COL4A4: variants seen among roughly 807,000 people sequenced by gnomAD.
COL4A4 encodes collagen type IV alpha 4 chain.
Under a neutral mutation model 192.9 loss-of-function variants are expected in COL4A4, and 105 were observed. That is an observed-to-expected ratio of 0.54 (90% CI 0.46 to 0.64). The LOEUF (loss-of-function observed/expected upper bound fraction) is 0.64. COL4A4 is among the 30% of genes least tolerant of loss of function. COL4A4 has a pLI of 0.00. For missense variants in COL4A4, 1,967 were observed against 2,169.3 expected, an observed-to-expected ratio of 0.91 and a Z score of 1.85; for synonymous variants, 762 against 769.9, an observed-to-expected ratio of 0.99 and a Z score of 0.17.
At chr2:226,988,242 A>G in the COL4A4 span, 1 of 1,194,164 alleles carries the variant, frequency 8.4e-7, no homozygotes, top group Non-Finnish European at 1.2e-6. Flanking sequence ...AGAGGTTGGG[A>G]GTAGGACTCA....
At chr2:227,104,223 T>G (rs1203570436) in intron 12 of COL4A4, 171 bp from the exon 13 acceptor site, 3 of 663,504 alleles carry the variant, frequency 4.5e-6, no homozygotes, top group Non-Finnish European at 8.0e-6. Context: ...TTATAAAAAT[T>G]TAATACACAC....
At chr2:227,038,947 G>A (rs1321301802) in intron 37 of COL4A4, among the ~76,000 whole-genome samples, 3 of 152,194 alleles carry the variant, frequency 2.0e-5, no homozygotes, top group Non-Finnish European at 4.4e-5. Flanking sequence ...TTAAAGACCA[G>A]TTGTTCTCTG....
At chr2:227,144,444 A>G in intron 3 of COL4A4, 72 bp downstream of exon 3, 3 of 1,331,460 alleles carry the variant, frequency 2.3e-6, no homozygotes, top group Non-Finnish European at 3.2e-6. Flanking sequence ...ATTTCTTTGA[A>G]AGTATAACAA....
chr2:227,066,243 G>A (rs2058330961), intron 25 of COL4A4, among the ~76,000 whole-genome samples: 5 of 152,160 alleles, frequency 3.3e-5, no homozygotes, highest in Admixed American at 3.3e-4. Context: ...CATCTGATTG[G>A]TGTACCTGAA....
At chr2:227,120,274 C>T (rs2061704105) in intron 5 of COL4A4, among the ~76,000 whole-genome samples, 2 of 152,126 alleles carry the variant, frequency 1.3e-5, no homozygotes, top group South Asian at 4.1e-4. Context: ...ATCTGCACTA[C>T]CCAAAGTTGG....
At chr2:227,049,988 G>A (rs1973732439) in intron 34 of COL4A4, 80 bp downstream of exon 34, 1 of 1,381,352 alleles carries the variant, frequency 7.2e-7, no homozygotes, top group African/African-American at 1.4e-5. Context: ...TGCTTATCAT[G>A]TAAAAGGCAC....
the COL4A4 span, among the ~76,000 whole-genome samples, chr2:226,968,002 T>C: frequency 6.6e-6 from 1 of 152,154 alleles, no homozygotes; most frequent in African/African-American, 2.4e-5. Flanking sequence ...TTCATGAGCA[T>C]TTTGTATGAG....
intron 25 of COL4A4, among the ~76,000 whole-genome samples, chr2:227,067,590 A>C (rs1230027616): frequency 6.6e-6 from 1 of 152,296 alleles, no homozygotes; most frequent in East Asian, 1.9e-4. Flanking sequence ...ACTACATGGA[A>C]ACTGAACAAC....
intron 25 of COL4A4, among the ~76,000 whole-genome samples, chr2:227,064,291 A>G (rs1406186688): frequency 6.6e-6 from 1 of 152,212 alleles, no homozygotes; most frequent in African/African-American, 2.4e-5. Context: ...AGTTTTAACA[A>G]TAGACTAGAA....
Position 227,111,669 on chromosome 2 carries a change from G to GAGACTTAC in COL4A4, c.594+1_594+8dup. On this transcript the variant is annotated intron_variant, in intron 9 of 47. Transcript: ENST00000396625. The stretch of plus-strand genomic sequence containing the variant: ...AAATAGAAGCATAGAGCCTGCTCAG[G>GAGACTTAC]AGACTTACTGGTAAGCCAGGCAGTC... The GAGACTTAC allele has an allele frequency of 6.2e-7, 1 of 1,614,008 alleles. No individual in the cohort carries two copies. The highest frequency in any genetic ancestry group is 8.5e-7 in the Non-Finnish European group (1 of 1,179,864).
chr2:227,162,983 T>C (rs1279934566), intron 1 of COL4A4, among the ~76,000 whole-genome samples: 2 of 152,220 alleles, frequency 1.3e-5, no homozygotes, highest in Admixed American at 1.3e-4. Context: ...AAGATACCAA[T>C]AGATCCCAAA....
the COL4A4 span, among the ~76,000 whole-genome samples, chr2:226,985,819 CT>C: frequency 1.2e-4 from 18 of 152,380 alleles, no homozygotes; most frequent in Non-Finnish European, 1.8e-4. Context: ...CTATATCCTA[CT>C]CATGCCCAAG....
Position 227,078,002 on chromosome 2 carries a change from C to A in COL4A4, c.1879G>T (p.Val627Leu), listed in dbSNP as rs2150476547. The change falls in exon 25 of 48, where the codon GTG becomes TTG. Residue 627 changes from valine to leucine, a missense_variant. Physicochemically the swap from Val to Leu is conservative, Grantham distance 32. Transcript: ENST00000396625. ...PLGPPGKAGP[V>L]GPPGLGFPGP... ...GGAAATCCCAGTCCTGGGGGCCCCACAGGTCCTGCTTTGCCTGGGGGGCCC... is the reference window on the plus strand; with the variant it reads ...GGAAATCCCAGTCCTGGGGGCCCCAAAGGTCCTGCTTTGCCTGGGGGGCCC... 6.2e-7 allele frequency: 1 copy of A among 1,613,980 alleles called. No individual in the cohort carries two copies.
rs567077414 is a variant in COL4A4, at chr2:227,144,360, T to C, written c.114+156A>G. The stretch of plus-strand genomic sequence containing the variant: ...TCAGAAAGCAGTCTTGACTATACAA[T>C]ATAAAAGAAATCTTAGAGTTTATTT... On this transcript the variant is annotated intron_variant, in intron 3 of 47. Coordinates refer to ENST00000396625, the MANE Select transcript of COL4A4 (RefSeq NM_000092.5). Among the ~76,000 whole-genome samples, 10 of 152,322 alleles carry C rather than the reference T, an allele frequency of 6.6e-5. No homozygotes were observed. The South Asian group carries it at 2.1e-3, about 32-fold the overall frequency.
chr2:227,029,278 G>A (rs978522760), intron 41 of COL4A4, among the ~76,000 whole-genome samples: 1 of 152,180 alleles, frequency 6.6e-6, no homozygotes, highest in Non-Finnish European at 1.5e-5. Flanking sequence ...CTAAGGAGGA[G>A]GAGTGTTAGC....
chr2:227,024,561 T>C (rs1374557056), intron 43 of COL4A4, among the ~76,000 whole-genome samples: 1 of 152,236 alleles, frequency 6.6e-6, no homozygotes, highest in Non-Finnish European at 1.5e-5. Flanking sequence ...TGCAAAAGTG[T>C]GAAATAATTT....
chr2:227,082,067 T>C, intron 23 of COL4A4, 48 bp downstream of exon 23: 3 of 1,459,610 alleles, frequency 2.1e-6, no homozygotes, highest in Non-Finnish European at 2.9e-6. Flanking sequence ...GGAGGGTCCA[T>C]ACATCATTCA....
At chr2:227,013,934 G>T (rs1964346184) in intron 44 of COL4A4, among the ~76,000 whole-genome samples, 1 of 152,002 alleles carries the variant, frequency 6.6e-6, no homozygotes, top group African/African-American at 2.4e-5. Flanking sequence ...CACAGACGCT[G>T]ACCGAAACCC....
chr2:227,066,979 G>T (rs959475252), intron 25 of COL4A4, among the ~76,000 whole-genome samples: 2 of 147,218 alleles, frequency 1.4e-5, no homozygotes, highest in African/African-American at 5.0e-5. Context: ...CCCATCTCAC[G>T]TGCAGAGACA....
Sources: allele counts gnomAD v4.1 joint callset (sites outside exome capture counted in the v4.1 genomes callset), GRCh38; gene constraint gnomAD v4.1.1; transcripts MANE v1.5; gene names NCBI Gene and HGNC (gene_info 2026-07-23, HGNC 2026-07-21).